TCAF2: variants seen among roughly 807,000 people sequenced by gnomAD.
TCAF2 encodes TRPM8 channel associated factor 2, also known as TRPM8 channel-associated factor 2.
Under a neutral mutation model 33.9 loss-of-function variants are expected in TCAF2, and 6 were observed. The ratio of observed to expected loss-of-function variants is 0.18; its 90% CI spans 0.10 to 0.35. The LOEUF is 0.35. TCAF2 is among the 10% of genes least tolerant of loss of function. TCAF2 has a pLI of 1.00. For missense variants in TCAF2, 109 were observed against 604.0 expected (o/e 0.18, Z 8.59); for synonymous variants, 41 against 247.8 (o/e 0.17, Z 7.84).
At chr7:143,724,859 T>C in intron 7 of TCAF2, 162 bp downstream of exon 7, 4 of 1,521,000 alleles carry the variant, frequency 2.6e-6, no homozygotes, top group South Asian at 1.3e-5. Context: ...GCTTCTTGGG[T>C]TATACCCCTC....
intron 1 of TCAF2, among the ~76,000 whole-genome samples, chr7:143,622,642 C>G (rs1244536714): frequency 3.3e-4 from 9 of 27,080 alleles, no homozygotes; most frequent in African/African-American, 7.6e-4. Context: ...CTCGCACAGG[C>G]TAGAGTCCAC....
rs1400227584 is a variant in TCAF2 at position 143,724,542 on chromosome 7, G to A, written c.2350G>A (p.Val784Ile). 4.3e-6 allele frequency: 7 copies of A among 1,610,740 alleles called. No individual in the cohort carries two copies. Among genetic ancestry groups the A allele is most frequent in the African/African-American group, 1.3e-5 (1 of 74,684 alleles). The change falls in exon 7 of 8, where the codon GTC (valine) becomes ATC (isoleucine). Residue 784 changes from valine (V) to isoleucine (I), a missense_variant. Val to Ile is a conservative substitution (Grantham distance 29). Transcript: ENST00000684770. The stretch of plus-strand genomic sequence containing the variant: ...TGAGGCCACCTGTAACCTTTGGTCA[G>A]TCTACGTGCATGAAACAGTCCTGGG... ...TTEATCNLWS[V>I]YVHETVLGIP...
chr7:143,633,356 GGC>G, intron 1 of TCAF2, among the ~76,000 whole-genome samples: 1 of 115,028 alleles, frequency 8.7e-6, no homozygotes, highest in South Asian at 2.8e-4. Context: ...ATGTACTAGT[GGC>G]TTAGGTTTAT....
At position 143,729,482 on chromosome 7, in the gene TCAF2, G is replaced by A. The variant is rs1809762298; in HGVS notation, c.*1815G>A. On this transcript the variant is annotated 3_prime_UTR_variant, in exon 8 of 8. Coordinates refer to ENST00000684770, the MANE Select transcript of TCAF2 (RefSeq NM_001363538.2). ...CAATAACAAGTTTAACTTCCAAAAAGGTGTTGGTATCTGATTTTCTGCCTG... is the reference window on the plus strand; with the variant it reads ...CAATAACAAGTTTAACTTCCAAAAAAGTGTTGGTATCTGATTTTCTGCCTG... The A allele has an allele frequency of 6.6e-6, 1 of 152,100 alleles. No homozygotes were observed. Among genetic ancestry groups the A allele is most frequent in the African/African-American group, 2.4e-5 (1 of 41,418 alleles). The allele number at this position is 152,100 out of a possible 1,614,324, so 9.4% of individuals were successfully genotyped here. A position where few individuals can be genotyped will look rare whatever the true frequency, so the allele number is the denominator to read the frequency against.
intron 1 of TCAF2, among the ~76,000 whole-genome samples, chr7:143,649,422 C>T (rs1809135899): frequency 2.7e-5 from 1 of 37,378 alleles, no homozygotes; most frequent in Non-Finnish European, 5.6e-5. Context: ...TCACAGGCAC[C>T]TGACAAAGCC....
rs1809787170 is a variant in TCAF2, at chr7:143,730,402, T to C, written c.*2735T>C. The C allele has an allele frequency of 1.3e-5, 2 of 152,208 alleles. No individual in the cohort carries two copies. The highest frequency in any genetic ancestry group is 4.1e-4 in the South Asian group (2 of 4,834). 9.4% of individuals were successfully genotyped at this position (152,208 alleles called of 1,614,324 possible). A position where few individuals can be genotyped will look rare whatever the true frequency, so the allele number is the denominator to read the frequency against. On this transcript the variant is annotated 3_prime_UTR_variant, in exon 8 of 8. Transcript: ENST00000684770. ...CATGTTTATTGGCCACATAAATGTCTTCTTTTGAGAAGTGTCTGTTCATAT... is the reference window on the plus strand; with the variant it reads ...CATGTTTATTGGCCACATAAATGTCCTCTTTTGAGAAGTGTCTGTTCATAT...
chr7:143,724,507 C>A lies in TCAF2; in HGVS notation c.2315C>A (p.Pro772Gln), dbSNP rs752460113. The A allele has an allele frequency of 5.6e-6, 9 of 1,611,060 alleles. No individual in the cohort carries two copies. The highest frequency in any genetic ancestry group is 5.9e-6 in the Non-Finnish European group (7 of 1,179,570). Residue 772 changes from proline (P) to glutamine (Q), a missense_variant, in exon 7 of 8, where the codon CCA (proline) becomes CAA (glutamine). By Grantham distance (76) the Pro-to-Gln change is moderately conservative. Transcript: ENST00000684770. ...CAGCGGCATGGATGGGAGTTCCCCC[C>A]ACACACTACTGAGGCCACCTGTAAC... is the stretch of plus-strand genomic sequence containing the variant. ...NQQRHGWEFP[P>Q]HTTEATCNLW... is the part of the protein sequence containing the mutation.
In TCAF2 at chr7:143,728,887, T is replaced by C. The variant is rs1809747047; in HGVS notation, c.*1220T>C. 6.6e-6 allele frequency: 1 copy of C among 152,194 alleles called. No individual in the cohort carries two copies. Among genetic ancestry groups the C allele is most frequent in the African/African-American group, 2.4e-5 (1 of 41,446 alleles). The allele number at this position is 152,194 out of a possible 1,614,324, so 9.4% of individuals were successfully genotyped here. On this transcript the variant is annotated 3_prime_UTR_variant, in exon 8 of 8. Transcript: ENST00000684770. ...TTCTCCAGTTTACTTTTAGACCATA[T>C]TGTTGTTTGTTTTGAATATCATTCC...
intron 1 of TCAF2, chr7:143,636,703 A>G (rs1382235472): frequency 7.5e-6 from 1 of 133,864 alleles, no homozygotes; most frequent in African/African-American, 4.5e-5. Flanking sequence ...AATGCACACC[A>G]ATACAGAAAT....
rs1809725579 is a variant in TCAF2 at position 143,728,159 on chromosome 7, C to T, written c.*492C>T. 2 of 190,836 alleles carry T rather than the reference C, an allele frequency of 1.0e-5. No homozygotes were observed. Among genetic ancestry groups the T allele is most frequent in the South Asian group, 2.0e-4 (2 of 10,070 alleles). 11.8% of individuals were successfully genotyped at this position (190,836 alleles called of 1,614,324 possible). A position where few individuals can be genotyped will look rare whatever the true frequency, so the allele number is the denominator to read the frequency against. ...CCACCTCTCTGTGTTTCTGTCTTCA[C>T]ATCCATGACATGAGGATACAAATCT... On this transcript the variant is annotated 3_prime_UTR_variant, in exon 8 of 8. Transcript: ENST00000684770.
intron 1 of TCAF2, among the ~76,000 whole-genome samples, chr7:143,622,452 A>C (rs1808779974): frequency 1.1e-3 from 1 of 898 alleles, no homozygotes; most frequent in Non-Finnish European, 2.4e-3. Context: ...GCCCTCGGCA[A>C]CCCGGGAAAC....
In TCAF2 at chr7:143,728,107, C is replaced by A. The variant is rs1809724390; in HGVS notation, c.*440C>A. ...CTGGAATAGTGGAGAGAGCCCCAAACCAGCTTTGGTTCTATGGAAAATCAC... is the reference window on the plus strand; with the variant it reads ...CTGGAATAGTGGAGAGAGCCCCAAAACAGCTTTGGTTCTATGGAAAATCAC... On this transcript the variant is annotated 3_prime_UTR_variant, in exon 8 of 8. Transcript: ENST00000684770. The A allele has an allele frequency of 5.0e-6, 1 of 201,498 alleles. No homozygotes were observed. The highest frequency in any genetic ancestry group is 1.4e-4 in the East Asian group (1 of 7,122). The allele number at this position is 201,498 out of a possible 1,614,324, so 12.5% of individuals were successfully genotyped here. A position where few individuals can be genotyped will look rare whatever the true frequency, so the allele number is the denominator to read the frequency against.
intron 2 of TCAF2, among the ~76,000 whole-genome samples, chr7:143,718,559 A>G (rs1369544854): frequency 6.6e-6 from 1 of 151,472 alleles, no homozygotes; most frequent in Non-Finnish European, 1.5e-5. Flanking sequence ...ACCATAATTT[A>G]TTTAACCAAC....
At chr7:143,621,086 G>T (rs1482252420) in intron 1 of TCAF2, 66 bp downstream of exon 1, 1 of 121,132 alleles carries the variant, frequency 8.3e-6, no homozygotes, top group East Asian at 2.1e-4. Flanking sequence ...GGCACTGGGG[G>T]TCGCCGCAAA....
rs1809725635 is a variant in TCAF2, at chr7:143,728,160, A to G, written c.*493A>G. On this transcript the variant is annotated 3_prime_UTR_variant, in exon 8 of 8. Transcript: ENST00000684770. ...CACCTCTCTGTGTTTCTGTCTTCAC[A>G]TCCATGACATGAGGATACAAATCTT... 5.3e-6 allele frequency: 1 copy of G among 190,208 alleles called. No individual in the cohort carries two copies. Among genetic ancestry groups the G allele is most frequent in the Non-Finnish European group, 1.1e-5 (1 of 91,332 alleles). 11.8% of individuals were successfully genotyped at this position (190,208 alleles called of 1,614,324 possible). A position where few individuals can be genotyped will look rare whatever the true frequency, so the allele number is the denominator to read the frequency against.
In TCAF2 at chr7:143,729,599, C is replaced by A. The variant is rs903000689; in HGVS notation, c.*1932C>A. The stretch of plus-strand genomic sequence containing the variant: ...GAAATTCAACTCCAGAACTGATGTT[C>A]TTTTTTTTTTTTCATTTAAGTTCTG... On this transcript the variant is annotated 3_prime_UTR_variant, in exon 8 of 8. Coordinates refer to ENST00000684770, the MANE Select transcript of TCAF2 (RefSeq NM_001363538.2). 5 of 144,170 alleles carry A rather than the reference C, an allele frequency of 3.5e-5. No individual in the cohort carries two copies. The highest frequency in any genetic ancestry group is 1.3e-4 in the African/African-American group (5 of 39,436). 8.9% of individuals were successfully genotyped at this position (144,170 alleles called of 1,614,324 possible).
intron 2 of TCAF2, among the ~76,000 whole-genome samples, chr7:143,718,537 A>G (rs1221566331): frequency 6.6e-6 from 1 of 151,790 alleles, no homozygotes; most frequent in African/African-American, 2.4e-5. Context: ...TATGGTTTGC[A>G]ATCTATTGTT....
rs993977039 is a variant in TCAF2 at position 143,729,663 on chromosome 7, A to G, written c.*1996A>G. The G allele has an allele frequency of 3.3e-5, 5 of 151,768 alleles. No homozygotes were observed. The highest frequency in any genetic ancestry group is 1.2e-4 in the African/African-American group (5 of 41,262). The allele number at this position is 151,768 out of a possible 1,614,324, so 9.4% of individuals were successfully genotyped here. The stretch of plus-strand genomic sequence containing the variant: ...GAACGTGCAGGTTTGTTACATAGGT[A>G]TACATGTGCCATGGTGGTTTGCTGC... On this transcript the variant is annotated 3_prime_UTR_variant, in exon 8 of 8. Coordinates refer to ENST00000684770, the MANE Select transcript of TCAF2 (RefSeq NM_001363538.2).
rs529548964 is a variant in TCAF2 at position 143,728,552 on chromosome 7, C to G, written c.*885C>G. On this transcript the variant is annotated 3_prime_UTR_variant, in exon 8 of 8. Coordinates refer to ENST00000684770, the MANE Select transcript of TCAF2 (RefSeq NM_001363538.2). ...TGCCCTTTGCCCTTCAACCAAAGGA[C>G]AAAGTCATGTTAACAGCTGCTACTA... The G allele has an allele frequency of 6.6e-6, 1 of 152,176 alleles. No individual in the cohort carries two copies. The highest frequency in any genetic ancestry group is 1.5e-5 in the Non-Finnish European group (1 of 68,048). The allele number at this position is 152,176 out of a possible 1,614,324, so 9.4% of individuals were successfully genotyped here. A position where few individuals can be genotyped will look rare whatever the true frequency, so the allele number is the denominator to read the frequency against.
Sources: gnomAD v4.1 joint callset for allele counts (sites outside exome capture counted in the v4.1 genomes callset) on GRCh38, gnomAD v4.1.1 for gene constraint, MANE v1.5 for transcripts, NCBI Gene and HGNC (gene_info 2026-07-23, HGNC 2026-07-21) for gene names.